YAF2: variants seen among roughly 807,000 people sequenced by gnomAD.
YAF2 encodes the protein YY1 associated factor 2.
YAF2 carries 7 observed loss-of-function variants against 20.1 expected under a neutral mutation model. The ratio of observed to expected loss-of-function variants is 0.35; its 90% CI spans 0.20 to 0.65. YAF2 has a LOEUF of 0.65. Ranked by LOEUF, YAF2 falls within the 30% of genes least tolerant of loss-of-function variation. The pLI, the probability that YAF2 is intolerant of heterozygous loss-of-function variation, is 0.69. For missense variants in YAF2, 151 were observed against 219.2 expected (o/e 0.69, Z 1.96); for synonymous variants, 74 against 76.0 (o/e 0.97, Z 0.14).
At chr12:42,213,779 A>C (rs1489894820) in intron 2 of YAF2, among the ~76,000 whole-genome samples, 1 of 152,230 alleles carries the variant, frequency 6.6e-6, no homozygotes, top group African/African-American at 2.4e-5. Context: ...GTGTGTGTAT[A>C]TTAATGACCT....
intron 2 of YAF2, among the ~76,000 whole-genome samples, chr12:42,201,599 T>C (rs951374364): frequency 2.6e-5 from 4 of 152,206 alleles, no homozygotes; most frequent in Non-Finnish European, 4.4e-5. Context: ...CTGTTGCTGT[T>C]GTTGTTGTTG....
At chr12:42,204,233 A>G (rs1323183099) in intron 2 of YAF2, among the ~76,000 whole-genome samples, 1 of 152,214 alleles carries the variant, frequency 6.6e-6, no homozygotes. Context: ...GCCACTTTGG[A>G]AAAAAGTCTT....
chr12:42,228,587 C>T (rs1449626542), intron 2 of YAF2, among the ~76,000 whole-genome samples: 1 of 79,440 alleles, frequency 1.3e-5, no homozygotes, highest in Admixed American at 1.0e-4. Context: ...CCCGGCCAGC[C>T]GCCCCGTCAG....
rs373217285 is a variant in YAF2, at chr12:42,161,644, T to C, written c.274A>G (p.Thr92Ala). 2 of 1,601,468 alleles carry C rather than the reference T, an allele frequency of 1.2e-6. No homozygotes were observed. Among genetic ancestry groups the C allele is most frequent in the East Asian group, 2.2e-5 (1 of 44,688 alleles). ...VEKEKSEKET[T>A]SKKNSHKKTR... ...TTCTTATGGCTATTCTTTTTGCTAG[T>C]TGTTTCCTTTTCACTTTTTTCTTTT... The change falls in exon 3 of 4, where the codon ACT becomes GCT. Residue 92 changes from threonine (T) to alanine (A), a missense_variant. This residue lies in a region of YAF2 where 50 missense variants were observed against 112.0 expected (regional missense o/e 0.45). Transcript: ENST00000534854.
In YAF2 at chr12:42,203,366, T is replaced by C. The variant is rs147653032; in HGVS notation, c.152+34233A>G. Among the ~76,000 whole-genome samples, 183 of 152,332 alleles carry C rather than the reference T, an allele frequency of 1.2e-3. 4 individuals carry two copies. The East Asian group carries it at 0.028, about 23-fold the overall frequency. ...ATACAAACAGTACTTTCATTTCTTT[T>C]AATATTTCTAGGGAGCATCTCATCT... On this transcript the variant is annotated intron_variant, in intron 2 of 3. Coordinates refer to ENST00000534854, the MANE Select transcript of YAF2 (RefSeq NM_005748.6).
At chr12:42,222,419 A>T (rs1385101391) in intron 2 of YAF2, among the ~76,000 whole-genome samples, 1 of 152,162 alleles carries the variant, frequency 6.6e-6, no homozygotes, top group Non-Finnish European at 1.5e-5. Context: ...ATCAACCAGT[A>T]ATCCAACAAC....
At chr12:42,166,720 T>TACACCATCCCCTGATTC (rs1228209773) in intron 2 of YAF2, among the ~76,000 whole-genome samples, 1 of 152,146 alleles carries the variant, frequency 6.6e-6, no homozygotes. Flanking sequence ...TCACTGGCTT[T>TACACCATCCCCTGATTC]ACACCATCCC....
chr12:42,170,529 G>A (rs2066019909), intron 2 of YAF2, among the ~76,000 whole-genome samples: 1 of 152,158 alleles, frequency 6.6e-6, no homozygotes, highest in Non-Finnish European at 1.5e-5. Flanking sequence ...AAAACTTGTG[G>A]CCAGATGCGG....
At chr12:42,170,968 G>A (rs114907925) in intron 2 of YAF2, among the ~76,000 whole-genome samples, 7 of 152,204 alleles carry the variant, frequency 4.6e-5, no homozygotes, top group East Asian at 3.9e-4. Context: ...CTAGAGCAAC[G>A]TAAGTGGTCA....
intron 2 of YAF2, chr12:42,236,122 T>C: frequency 7.3e-7 from 1 of 1,373,170 alleles, no homozygotes; most frequent in Non-Finnish European, 9.6e-7. Flanking sequence ...TTGTTTCCAC[T>C]TTAATGTTCC....
chr12:42,200,387 T>C (rs1046217551), intron 2 of YAF2, among the ~76,000 whole-genome samples: 8 of 152,196 alleles, frequency 5.3e-5, no homozygotes, highest in African/African-American at 1.7e-4. Context: ...GGCTGAAAAC[T>C]ATTCACCTTC....
chr12:42,170,900 T>C (rs1161724783), intron 2 of YAF2, among the ~76,000 whole-genome samples: 1 of 152,196 alleles, frequency 6.6e-6, no homozygotes, highest in Admixed American at 6.5e-5. Flanking sequence ...AATACAAACA[T>C]ATTTCTTTCC....
chr12:42,194,553 A>G (rs1645667760), intron 2 of YAF2, among the ~76,000 whole-genome samples: 1 of 152,230 alleles, frequency 6.6e-6, no homozygotes, highest in Non-Finnish European at 1.5e-5. Flanking sequence ...TGGAGGCAGG[A>G]GAATCACCTG....
Position 42,160,716 on chromosome 12 carries a change from G to A in YAF2, c.416C>T (p.Ala139Val). The stretch of plus-strand genomic sequence containing the variant: ...TTGATCTGCAGAAGCAGCACTAGAT[G>A]CAGGCGGTGACTTTGTTTTCTCCTT... ...DFKEKTKSPP[A>V]SSAASADQHS... Residue 139 changes from alanine to valine, a missense_variant, in exon 4 of 4, where the codon GCA becomes GTA. Ala to Val is a moderately conservative substitution (Grantham distance 64, BLOSUM62 0). Coordinates refer to ENST00000534854, the MANE Select transcript of YAF2 (RefSeq NM_005748.6). 1.9e-6 allele frequency: 3 copies of A among 1,613,590 alleles called. No homozygotes were observed. In the South Asian group the frequency reaches 3.3e-5, roughly 18 times the overall value.
chr12:42,207,663 C>T (rs1304138986), intron 2 of YAF2, among the ~76,000 whole-genome samples: 5 of 152,152 alleles, frequency 3.3e-5, no homozygotes, highest in Admixed American at 2.0e-4. Context: ...GAGGCCGAGG[C>T]GGGCAGATCA....
chr12:42,226,717 C>T (rs1021319644), intron 2 of YAF2, among the ~76,000 whole-genome samples: 1 of 152,148 alleles, frequency 6.6e-6, no homozygotes, highest in African/African-American at 2.4e-5. Context: ...AACTTAGAGA[C>T]AAAATAGTCT....
At chr12:42,167,934 C>A (rs1378196856) in intron 2 of YAF2, among the ~76,000 whole-genome samples, 1 of 152,098 alleles carries the variant, frequency 6.6e-6, no homozygotes, top group South Asian at 2.1e-4. Context: ...TGTTTCCATA[C>A]CTCGAGCTCT....
chr12:42,207,050 C>G (rs1203824685), intron 2 of YAF2, among the ~76,000 whole-genome samples: 2 of 152,100 alleles, frequency 1.3e-5, no homozygotes, highest in African/African-American at 4.8e-5. Context: ...CACTCCTGAG[C>G]CCAACATGAT....
At chr12:42,165,295 T>C (rs1387528215) in intron 2 of YAF2, among the ~76,000 whole-genome samples, 2 of 152,132 alleles carry the variant, frequency 1.3e-5, no homozygotes, top group Admixed American at 6.5e-5. Context: ...ATGGTCAGTA[T>C]ACCAGGAGAA....
Sources: gnomAD v4.1 joint callset for allele counts (sites outside exome capture counted in the v4.1 genomes callset) on GRCh38, gnomAD v4.1.1 for gene constraint, gnomAD v4.1.1 regional missense constraint, MANE v1.5 for transcripts, NCBI Gene and HGNC (gene_info 2026-07-23, HGNC 2026-07-21) for gene names.